Variants in CDKAL1 observed in about 807,000 individuals in gnomAD.
CDKAL1 encodes threonylcarbamoyladenosine tRNA methylthiotransferase.
CDKAL1 carries 32 observed loss-of-function variants against 68.2 expected under a neutral mutation model. The observed-to-expected ratio is 0.47, with a 90% CI of 0.35 to 0.63. The LOEUF is 0.63. CDKAL1 is among the 30% of genes least tolerant of loss of function. CDKAL1 has a pLI of 0.00. For synonymous variants in CDKAL1, 234 were observed against 244.3 expected (o/e 0.96, Z 0.39); for missense variants, 606 against 696.7 (o/e 0.87, Z 1.47).
chr6:20,846,346 T>C (rs191718057), intron 9 of CDKAL1, among the ~76,000 whole-genome samples, 168 bp downstream of exon 9: 5 of 152,352 alleles, frequency 3.3e-5, no homozygotes, highest in African/African-American at 1.2e-4. Context: ...ACTTAGTTTA[T>C]TTTTACATTA....
intron 11 of CDKAL1, among the ~76,000 whole-genome samples, chr6:21,025,321 C>A (rs1285250434): frequency 6.6e-6 from 1 of 151,914 alleles, no homozygotes; most frequent in East Asian, 1.9e-4. Flanking sequence ...TTAAACATAC[C>A]CCTCTCTATA....
intron 10 of CDKAL1, among the ~76,000 whole-genome samples, chr6:20,981,827 C>T (rs1248924378): frequency 6.6e-6 from 1 of 152,162 alleles, no homozygotes; most frequent in Non-Finnish European, 1.5e-5. Context: ...GGCAACACTG[C>T]GAGTCTGTCT....
chr6:21,001,162 G>T (rs1767407229), intron 11 of CDKAL1, among the ~76,000 whole-genome samples: 1 of 151,982 alleles, frequency 6.6e-6, no homozygotes, highest in African/African-American at 2.4e-5. Flanking sequence ...TTGTGGCCTG[G>T]GTCTTCCTAC....
chr6:20,988,129 G>A (rs371407222), intron 10 of CDKAL1, among the ~76,000 whole-genome samples: 4 of 150,056 alleles, frequency 2.7e-5, no homozygotes, highest in East Asian at 2.0e-4. Context: ...GTTTTTATCC[G>A]TAACATGAGA....
At chr6:20,901,413 A>G (rs1037630996) in intron 9 of CDKAL1, among the ~76,000 whole-genome samples, 16 of 152,064 alleles carry the variant, frequency 1.1e-4, no homozygotes, top group Admixed American at 2.0e-4. Context: ...TGTGGCTCAC[A>G]CCTGTAATCC....
At chr6:20,833,503 T>C (rs1231953991) in intron 8 of CDKAL1, among the ~76,000 whole-genome samples, 1 of 152,142 alleles carries the variant, frequency 6.6e-6, no homozygotes, top group Non-Finnish European at 1.5e-5. Flanking sequence ...GGGTGGTATA[T>C]ACTCCTCTCT....
chr6:20,879,640 G>A (rs1476336942), intron 9 of CDKAL1, among the ~76,000 whole-genome samples: 1 of 152,088 alleles, frequency 6.6e-6, no homozygotes. Flanking sequence ...ACTTGATATT[G>A]GCAATTTCTT....
At chr6:20,770,505 C>G (rs1774896058) in intron 7 of CDKAL1, among the ~76,000 whole-genome samples, 1 of 152,164 alleles carries the variant, frequency 6.6e-6, no homozygotes, top group South Asian at 2.1e-4. Flanking sequence ...AGTTTTGCAG[C>G]TGTAACCAGA....
chr6:20,844,574 G>C lies in CDKAL1; in HGVS notation c.639-1501G>C, dbSNP rs1031387252. 4.1e-4 allele frequency among the ~76,000 whole-genome samples: 63 copies of C among 151,938 alleles called. 3 individuals are homozygous for C. ...AAGGCATATAAAATATCAGTAACAG[G>C]CTCACTGGCTCACACCTGTAATCCC... On this transcript the variant is annotated intron_variant, in intron 8 of 15. Transcript: ENST00000274695.
chr6:21,087,449 C>A (rs1772756091), intron 12 of CDKAL1, among the ~76,000 whole-genome samples: 1 of 152,170 alleles, frequency 6.6e-6, no homozygotes, highest in South Asian at 2.1e-4. Flanking sequence ...CCAGCCTCAG[C>A]TTCCTGAAGT....
intron 10 of CDKAL1, among the ~76,000 whole-genome samples, chr6:20,981,884 C>T (rs191953948): frequency 6.6e-6 from 1 of 152,248 alleles, no homozygotes; most frequent in East Asian, 1.9e-4. Context: ...ACTCTCCTTC[C>T]TTCCTAGTTC....
chr6:21,020,908 G>A (rs575341678), intron 11 of CDKAL1, among the ~76,000 whole-genome samples: 1 of 151,520 alleles, frequency 6.6e-6, no homozygotes, highest in South Asian at 2.1e-4. Context: ...TGTGTGCCAC[G>A]GTACCTGACA....
intron 13 of CDKAL1, among the ~76,000 whole-genome samples, chr6:21,129,370 G>A (rs961411732): frequency 2.6e-5 from 4 of 151,900 alleles, no homozygotes; most frequent in African/African-American, 9.7e-5. Context: ...TATTGTTCTG[G>A]TTCTCTCTGA....
intron 5 of CDKAL1, among the ~76,000 whole-genome samples, chr6:20,718,985 A>G (rs1458246068): frequency 6.6e-6 from 1 of 152,160 alleles, no homozygotes; most frequent in Non-Finnish European, 1.5e-5. Context: ...ATCTTTTTAA[A>G]CCATTTTCAT....
intron 8 of CDKAL1, among the ~76,000 whole-genome samples, chr6:20,785,898 G>C (rs1397990606): frequency 6.6e-6 from 1 of 152,136 alleles, no homozygotes; most frequent in Non-Finnish European, 1.5e-5. Flanking sequence ...TTGCAAAGTT[G>C]TTATGCCTTG....
At chr6:21,120,313 G>A (rs1328331426) in intron 13 of CDKAL1, among the ~76,000 whole-genome samples, 1 of 152,124 alleles carries the variant, frequency 6.6e-6, no homozygotes, top group Non-Finnish European at 1.5e-5. Flanking sequence ...ACTGTACAAG[G>A]CACTTACCCA....
chr6:21,218,417 A>C (rs1157807051), intron 15 of CDKAL1, among the ~76,000 whole-genome samples: 1 of 152,234 alleles, frequency 6.6e-6, no homozygotes, highest in African/African-American at 2.4e-5. Flanking sequence ...TTATTACCTC[A>C]CAGTTTCTGT....
intron 11 of CDKAL1, among the ~76,000 whole-genome samples, chr6:21,037,515 C>G (rs1769658179): frequency 6.6e-6 from 1 of 152,124 alleles, no homozygotes; most frequent in South Asian, 2.1e-4. Flanking sequence ...GATCTCAAGT[C>G]TCTGGAACAG....
intron 5 of CDKAL1, among the ~76,000 whole-genome samples, chr6:20,732,477 G>A (rs1773000481): frequency 2.0e-5 from 3 of 147,970 alleles, no homozygotes; most frequent in Admixed American, 2.0e-4. Flanking sequence ...AGTAGAGATC[G>A]GGTTTCATCA....
Sources: gnomAD v4.1 joint callset for allele counts (sites outside exome capture counted in the v4.1 genomes callset) on GRCh38, gnomAD v4.1.1 for gene constraint, MANE v1.5 for transcripts, NCBI Gene and HGNC (gene_info 2026-07-23, HGNC 2026-07-21) for gene names.